Variants in TMEM132D observed in about 807,000 individuals in gnomAD.
The protein encoded by TMEM132D is mature OL transmembrane protein.
In TMEM132D, 21 loss-of-function variants were observed where a neutral mutation model predicts 62.3. The ratio of observed to expected loss-of-function variants is 0.34; its 90% confidence interval spans 0.24 to 0.49. TMEM132D has a LOEUF of 0.49. Ranked by LOEUF, TMEM132D falls within the 20% of genes least tolerant of loss-of-function variation. The pLI is 0.99. For missense variants in TMEM132D, 1,346 were observed against 1,402.8 expected, an observed-to-expected ratio of 0.96 and a Z score of 0.65; for synonymous variants, 621 against 575.6, an observed-to-expected ratio of 1.08 and a Z score of -1.13.
intron 1 of TMEM132D, among the ~76,000 whole-genome samples, chr12:129,891,050 C>T (rs1317732185): frequency 2.0e-5 from 3 of 152,052 alleles, no homozygotes; most frequent in African/African-American, 4.8e-5. Flanking sequence ...ATAACAGCGA[C>T]GCCCAAACAG....
At chr12:129,486,209 G>T (rs1874573801) in intron 3 of TMEM132D, among the ~76,000 whole-genome samples, 1 of 152,220 alleles carries the variant, frequency 6.6e-6, no homozygotes, top group Non-Finnish European at 1.5e-5. Context: ...AGCTACAGCT[G>T]CCCGCTGCAG....
chr12:129,734,357 C>T (rs1445913362), intron 1 of TMEM132D, among the ~76,000 whole-genome samples: 1 of 152,132 alleles, frequency 6.6e-6, no homozygotes, highest in Non-Finnish European at 1.5e-5. Context: ...AACCAAAATC[C>T]TACTCTACTT....
chr12:129,538,013 T>TA (rs1876452797), intron 2 of TMEM132D, among the ~76,000 whole-genome samples: 1 of 152,246 alleles, frequency 6.6e-6, no homozygotes, highest in Non-Finnish European at 1.5e-5. Flanking sequence ...TCTTGACTTT[T>TA]ATGTGAAATT....
chr12:129,304,662 C>CTTTTTTTTTTTTTTT (rs35812965), intron 4 of TMEM132D, among the ~76,000 whole-genome samples: 1 of 93,606 alleles, frequency 1.1e-5, no homozygotes, highest in Non-Finnish European at 2.0e-5. Flanking sequence ...ATACTTGGAT[C>CTTTTTTTTTTTTTTT]TTTTTTTTTT....
intron 1 of TMEM132D, among the ~76,000 whole-genome samples, chr12:129,887,423 T>C (rs951313900): frequency 3.3e-5 from 5 of 152,168 alleles, no homozygotes; most frequent in Non-Finnish European, 2.9e-5. Context: ...AGTATAACAC[T>C]TGACATTGTC....
rs1197337440 is a variant in TMEM132D, at chr12:129,531,215, A to G, written c.969-10T>C. On this transcript the variant is annotated splice_polypyrimidine_tract_variant and intron_variant, in intron 2 of 8. Transcript: ENST00000422113. Reference sequence around the variant, plus strand: ...TTTCTTCACCTTTGCCCTGTTGGAGACAGCACGTGTGGGTCTGAGTCAGCT... The same window carrying G: ...TTTCTTCACCTTTGCCCTGTTGGAGGCAGCACGTGTGGGTCTGAGTCAGCT... The G allele has an allele frequency of 1.9e-6, 3 of 1,603,904 alleles. No individual in the cohort carries two copies. The highest frequency in any genetic ancestry group is 2.6e-6 in the Non-Finnish European group (3 of 1,174,600).
intron 4 of TMEM132D, among the ~76,000 whole-genome samples, chr12:129,315,474 C>G (rs1031506748): frequency 1.4e-4 from 21 of 152,230 alleles, no homozygotes; most frequent in African/African-American, 5.1e-4. Flanking sequence ...TAAACCATCC[C>G]TGCATCCTTG....
intron 2 of TMEM132D, among the ~76,000 whole-genome samples, chr12:129,622,735 A>G (rs183447078): frequency 6.6e-6 from 1 of 152,308 alleles, no homozygotes; most frequent in African/African-American, 2.4e-5. Context: ...TGTGGTCCCA[A>G]AGGGGCTGTC....
chr12:129,758,585 C>G (rs1255413865), intron 1 of TMEM132D, among the ~76,000 whole-genome samples: 2 of 152,182 alleles, frequency 1.3e-5, no homozygotes, highest in African/African-American at 2.4e-5. Context: ...CTAGTATACA[C>G]TTCTTGTATA....
intron 2 of TMEM132D, among the ~76,000 whole-genome samples, chr12:129,547,987 T>C (rs890488820): frequency 6.6e-6 from 1 of 152,150 alleles, no homozygotes; most frequent in African/African-American, 2.4e-5. Flanking sequence ...TGACAATTTG[T>C]GCCCTATTTC....
rs145538449 is a variant in TMEM132D, at chr12:129,082,761, G to T, written c.1650-729C>A. Reference sequence around the variant, plus strand: ...CTTTCTCTTTTTGTGACAGGGTCTTGCTCTGTCACCCAGGCTGGAGTGCAG... The same window carrying T: ...CTTTCTCTTTTTGTGACAGGGTCTTTCTCTGTCACCCAGGCTGGAGTGCAG... On this transcript the variant is annotated intron_variant, in intron 6 of 8. Coordinates refer to ENST00000422113, the MANE Select transcript of TMEM132D (RefSeq NM_133448.3). Among the ~76,000 whole-genome samples, 699 of 152,314 alleles carry T rather than the reference G, an allele frequency of 4.6e-3. 7 individuals are homozygous for T. Among genetic ancestry groups the T allele is most frequent in the African/African-American group, 0.016 (669 of 41,566 alleles).
intron 1 of TMEM132D, among the ~76,000 whole-genome samples, chr12:129,765,672 C>G (rs1049710794): frequency 6.6e-6 from 1 of 152,078 alleles, no homozygotes; most frequent in Non-Finnish European, 1.5e-5. Flanking sequence ...TGTGGATACC[C>G]TTGTGTGCTT....
chr12:129,215,178 A>G lies in TMEM132D; in HGVS notation c.1300-5515T>C, dbSNP rs905044990. ...TTTGCAGGGACATGGTTGGAGCTGG[A>G]GGCCATTATCCTTGGCAAACTAACA... On this transcript the variant is annotated intron_variant, in intron 4 of 8. Coordinates refer to ENST00000422113, the MANE Select transcript of TMEM132D (RefSeq NM_133448.3). 2.1e-4 allele frequency among the ~76,000 whole-genome samples: 32 copies of G among 152,350 alleles called. 1 individual carries two copies. In the South Asian group the frequency reaches 2.9e-3, roughly 14 times the overall value.
At chr12:129,301,522 G>A (rs1428110509) in intron 4 of TMEM132D, among the ~76,000 whole-genome samples, 1 of 152,026 alleles carries the variant, frequency 6.6e-6, no homozygotes, top group African/African-American at 2.4e-5. Flanking sequence ...CAAAAGCACA[G>A]ACATTACTCC....
At chr12:129,860,708 T>C (rs1419148790) in intron 1 of TMEM132D, among the ~76,000 whole-genome samples, 1 of 152,244 alleles carries the variant, frequency 6.6e-6, no homozygotes, top group Non-Finnish European at 1.5e-5. Context: ...GGAAAGAGGT[T>C]TAATTGACTC....
intron 1 of TMEM132D, among the ~76,000 whole-genome samples, chr12:129,843,769 A>C (rs1873272115): frequency 6.6e-6 from 1 of 152,150 alleles, no homozygotes; most frequent in African/African-American, 2.4e-5. Context: ...ACTACCATCT[A>C]ACTGACCTCT....
At chr12:129,456,263 G>A (rs1398151380) in intron 3 of TMEM132D, among the ~76,000 whole-genome samples, 1 of 152,096 alleles carries the variant, frequency 6.6e-6, no homozygotes, top group Non-Finnish European at 1.5e-5. Context: ...GAGTATATGA[G>A]CACAGTGCCA....
Position 129,838,913 on chromosome 12 carries a change from T to C in TMEM132D, c.79+64348A>G, listed in dbSNP as rs1337563476. 2.0e-5 allele frequency among the ~76,000 whole-genome samples: 3 copies of C among 151,868 alleles called. No individual in the cohort carries two copies. The East Asian group carries it at 5.8e-4, about 29-fold the overall frequency. On this transcript the variant is annotated intron_variant, in intron 1 of 8. Coordinates refer to ENST00000422113, the MANE Select transcript of TMEM132D (RefSeq NM_133448.3). ...AGCAGTATAAACTGCTGTCATTTTTTGGAGGTCAGTTAAGAATAGGAACTT... is the reference window on the plus strand; with the variant it reads ...AGCAGTATAAACTGCTGTCATTTTTCGGAGGTCAGTTAAGAATAGGAACTT...
chr12:129,428,018 T>C (rs1192599546), intron 3 of TMEM132D, among the ~76,000 whole-genome samples: 1 of 152,110 alleles, frequency 6.6e-6, no homozygotes, highest in African/African-American at 2.4e-5. Context: ...TAAAAATTCA[T>C]ATATAATAAT....
Sources: allele counts gnomAD v4.1 joint callset (sites outside exome capture counted in the v4.1 genomes callset), GRCh38; gene constraint gnomAD v4.1.1; transcripts MANE v1.5; gene names NCBI Gene and HGNC (gene_info 2026-07-23, HGNC 2026-07-21).